CFAP92: variants seen among roughly 807,000 people sequenced by gnomAD.
The protein encoded by CFAP92 is cilia and flagella associated protein 92 (putative).
In CFAP92, 86 loss-of-function variants were observed where a neutral mutation model predicts 106.3. The ratio of observed to expected loss-of-function variants is 0.81; its 90% CI spans 0.68 to 0.97. CFAP92 has a LOEUF of 0.97. Ranked by LOEUF, CFAP92 falls within the 50% of genes least tolerant of loss-of-function variation. The pLI is 0.00. For missense variants in CFAP92, 1,204 were observed against 1,283.8 expected (o/e 0.94, Z 0.95); for synonymous variants, 477 against 506.4 (o/e 0.94, Z 0.78).
intron 3 of CFAP92, 45 bp downstream of exon 3, chr3:128,988,683 T>C (rs758540070): frequency 1.7e-5 from 27 of 1,579,768 alleles, no homozygotes; most frequent in Admixed American, 5.2e-5. Context: ...CTTTTCGTGA[T>C]GAGCATCAGA....
At chr3:128,934,439 G>C (rs937514516) in intron 11 of CFAP92, among the ~76,000 whole-genome samples, 1 of 152,016 alleles carries the variant, frequency 6.6e-6, no homozygotes. Context: ...GGCTGGTCTC[G>C]AACTGCCGAC....
the CFAP92 span, among the ~76,000 whole-genome samples, chr3:129,016,159 C>T: frequency 6.6e-6 from 1 of 152,166 alleles, no homozygotes; most frequent in Non-Finnish European, 1.5e-5. Flanking sequence ...CTTGACCGCT[C>T]CCTTGGTTAC....
chr3:128,962,728 G>A (rs1942038657), intron 9 of CFAP92, among the ~76,000 whole-genome samples: 2 of 152,138 alleles, frequency 1.3e-5, no homozygotes, highest in African/African-American at 4.8e-5. Flanking sequence ...ATTAAAGCCT[G>A]TGATCACTCG....
chr3:129,024,130 AC>A, the CFAP92 span, among the ~76,000 whole-genome samples: 2 of 152,222 alleles, frequency 1.3e-5, no homozygotes, highest in Middle Eastern at 3.2e-3. Flanking sequence ...TGAGAGAGAA[AC>A]ACCATAACAC....
chr3:129,001,901 G>T, intron 1 of CFAP92: 1 of 1,538,336 alleles, frequency 6.5e-7, no homozygotes, highest in Non-Finnish European at 8.8e-7. Context: ...TGCGCGCGGA[G>T]GGGGCCACCA....
rs553744625 is a variant in CFAP92, at chr3:128,932,762, A to C, written c.2689T>G (p.Tyr897Asp). The C allele has an allele frequency of 6.5e-7, 1 of 1,536,004 alleles. No homozygotes were observed. Among genetic ancestry groups the C allele is most frequent in the South Asian group, 1.2e-5 (1 of 84,044 alleles). ...TLEIHAHQEK[Y>D]LQWRSAMLMK... ...AGCATGGCACTCCGCCACTGCAGGT[A>C]CTTCTCCTGGTGGGCGTGGATCTCT... The change falls in exon 12 of 16, where the codon TAC becomes GAC. Residue 897 changes from tyrosine (Y) to aspartate (D), a missense_variant. Coordinates refer to ENST00000645291, the MANE Select transcript of CFAP92 (RefSeq NM_001394090.1).
upstream of CFAP92, chr3:128,994,106 C>T (rs1321646510): frequency 2.1e-5 from 21 of 985,670 alleles, no homozygotes; most frequent in African/African-American, 3.5e-5. Context: ...GCAGGGAGGG[C>T]CGCAGGCCCA....
Position 128,910,165 on chromosome 3 carries a change from C to T in CFAP92, c.*134G>A, listed in dbSNP as rs754234695. The T allele has an allele frequency of 2.5e-6, 4 of 1,613,932 alleles. No individual in the cohort carries two copies. The South Asian group carries it at 4.4e-5, about 18-fold the overall frequency. On this transcript the variant is annotated 3_prime_UTR_variant, in exon 16 of 16. Coordinates refer to ENST00000645291, the MANE Select transcript of CFAP92 (RefSeq NM_001394090.1). ...CGACCACGAGGTGAGCCCAGCCCAG[C>T]CTCACACAGGGCCTGGCTGCTGCCA...
At chr3:129,003,659 C>T (rs1944909939), upstream of CFAP92, 2 of 916,038 alleles carry the variant, frequency 2.2e-6, no homozygotes, top group South Asian at 4.2e-5. Flanking sequence ...GCCTGGCACC[C>T]GGAAGCAGAC....
chr3:128,935,035 G>T, intron 11 of CFAP92, 90 bp downstream of exon 11: 1 of 1,042,416 alleles, frequency 9.6e-7, no homozygotes, highest in Non-Finnish European at 1.3e-6. Context: ...CTAGTTGTTG[G>T]ATGCCCCAGC....
intron 12 of CFAP92, among the ~76,000 whole-genome samples, chr3:128,928,011 G>T (rs2107697387): frequency 6.6e-6 from 1 of 152,298 alleles, no homozygotes; most frequent in East Asian, 1.9e-4. Context: ...CCAGCACTTT[G>T]GGAGGCCAAG....
chr3:129,011,645 T>G, the CFAP92 span, among the ~76,000 whole-genome samples: 1 of 151,912 alleles, frequency 6.6e-6, no homozygotes, highest in African/African-American at 2.4e-5. Flanking sequence ...GGGGCAGGCC[T>G]TGAAAAGCAA....
intron 9 of CFAP92, among the ~76,000 whole-genome samples, chr3:128,953,637 C>G (rs1447649758): frequency 9.7e-5 from 13 of 134,076 alleles, no homozygotes; most frequent in African/African-American, 4.3e-4. Context: ...CTCCGTCTCC[C>G]TCTCCCCACG....
chr3:128,991,929 G>A (rs1241106762), intron 2 of CFAP92: 2 of 972,500 alleles, frequency 2.1e-6, no homozygotes, highest in East Asian at 1.1e-4. Context: ...GGAACCATGT[G>A]ACTTGGTTTG....
intron 15 of CFAP92, among the ~76,000 whole-genome samples, chr3:128,911,661 C>T (rs1936337886): frequency 6.6e-6 from 1 of 151,710 alleles, no homozygotes; most frequent in African/African-American, 2.4e-5. Context: ...AAGCTGGTCT[C>T]CAACCCCTGA....
chr3:128,933,995 C>T lies in CFAP92; in HGVS notation c.2454-998G>A, dbSNP rs575258052. Among the ~76,000 whole-genome samples the T allele has an allele frequency of 2.0e-5, 3 of 152,322 alleles. No individual in the cohort carries two copies. The South Asian group carries it at 6.2e-4, about 32-fold the overall frequency. The stretch of plus-strand genomic sequence containing the variant: ...TAAAGACAGGGTTTGTACCTCCTGC[C>T]CCACACCCAGCAGCAAGTGAACTGT... On this transcript the variant is annotated intron_variant, in intron 11 of 15. Coordinates refer to ENST00000645291, the MANE Select transcript of CFAP92 (RefSeq NM_001394090.1).
chr3:128,959,124 C>G (rs548409521), intron 9 of CFAP92, among the ~76,000 whole-genome samples: 2 of 152,084 alleles, frequency 1.3e-5, no homozygotes, highest in South Asian at 4.1e-4. Flanking sequence ...GCAGAAGAAT[C>G]GCTTGAACCC....
the CFAP92 span, among the ~76,000 whole-genome samples, chr3:129,025,917 C>T: frequency 9.2e-5 from 14 of 152,238 alleles, no homozygotes; most frequent in African/African-American, 3.4e-4. Flanking sequence ...GCAGCTGGGC[C>T]GGGTCATTCC....
At chr3:128,933,415 G>C (rs764423298) in intron 11 of CFAP92, among the ~76,000 whole-genome samples, 7 of 152,128 alleles carry the variant, frequency 4.6e-5, no homozygotes, top group Non-Finnish European at 8.8e-5. Flanking sequence ...AGGCTGGAGA[G>C]AGAGTCCTCA....
Sources: gnomAD v4.1 joint callset for allele counts (sites outside exome capture counted in the v4.1 genomes callset) on GRCh38, gnomAD v4.1.1 for gene constraint, MANE v1.5 for transcripts, NCBI Gene and HGNC (gene_info 2026-07-23, HGNC 2026-07-21) for gene names.